LAMA2: variants seen among roughly 807,000 people sequenced by gnomAD.
LAMA2 encodes laminin subunit alpha-2.
A neutral mutation model predicts 364.8 loss-of-function variants in LAMA2; 269 were observed. That is an observed-to-expected ratio of 0.74 (90% CI 0.67 to 0.82). The LOEUF is 0.82. Ranked by LOEUF, LAMA2 falls within the 40% of genes least tolerant of loss-of-function variation. LAMA2 has a pLI of 0.00. For missense variants in LAMA2, 3,807 were observed against 3,873.2 expected (o/e 0.98, Z 0.45); for synonymous variants, 1,379 against 1,370.6 (o/e 1.01, Z -0.14).
At chr6:129,444,230 G>A (rs186363732) in intron 44 of LAMA2, among the ~76,000 whole-genome samples, 2 of 152,220 alleles carry the variant, frequency 1.3e-5, no homozygotes, top group African/African-American at 4.8e-5. Flanking sequence ...GAAACATTTG[G>A]CAAAAACTTC....
At chr6:128,953,220 T>G (rs1411442431) in intron 1 of LAMA2, among the ~76,000 whole-genome samples, 1 of 152,186 alleles carries the variant, frequency 6.6e-6, no homozygotes, top group Non-Finnish European at 1.5e-5. Context: ...TTCCGAGTGA[T>G]CACTGTCCCT....
intron 1 of LAMA2, among the ~76,000 whole-genome samples, chr6:128,902,850 G>T (rs1023431806): frequency 2.6e-5 from 4 of 152,084 alleles, no homozygotes; most frequent in Admixed American, 6.6e-5. Flanking sequence ...AAAGAAAATT[G>T]ATGGTTTCTC....
At chr6:129,331,402 C>G (rs1362835009) in intron 29 of LAMA2, among the ~76,000 whole-genome samples, 1 of 152,092 alleles carries the variant, frequency 6.6e-6, no homozygotes, top group East Asian at 1.9e-4. Flanking sequence ...CATCCTTACC[C>G]TCAGTTGATG....
At chr6:129,196,035 T>C (rs1781824744) in intron 12 of LAMA2, among the ~76,000 whole-genome samples, 1 of 152,206 alleles carries the variant, frequency 6.6e-6, no homozygotes, top group Non-Finnish European at 1.5e-5. Flanking sequence ...AGGTTTGAAA[T>C]TCTCTCTCTG....
chr6:129,306,029 C>T (rs1238213176), intron 22 of LAMA2, among the ~76,000 whole-genome samples: 1 of 151,866 alleles, frequency 6.6e-6, no homozygotes, highest in East Asian at 1.9e-4. Context: ...ACCTCCAGTC[C>T]CCTTTCCTAT....
intron 28 of LAMA2, 108 bp from the exon 29 acceptor site, chr6:129,328,170 C>A (rs1775413931): frequency 1.1e-6 from 1 of 932,986 alleles, no homozygotes. Flanking sequence ...GTTGCCCCTG[C>A]CGCAGGTGGG....
At chr6:129,041,616 GA>G (rs1430366542) in intron 1 of LAMA2, among the ~76,000 whole-genome samples, 2 of 152,092 alleles carry the variant, frequency 1.3e-5, no homozygotes, top group Admixed American at 1.3e-4. Flanking sequence ...TATTTCTATA[GA>G]TTTTTTTGAC....
chr6:129,391,792 C>CATCTATCTATCTATCTATCT lies in LAMA2; in HGVS notation c.5234+146_5234+165dup, dbSNP rs10648375. On this transcript the variant is annotated intron_variant, in intron 36 of 64. Coordinates refer to ENST00000421865, the MANE Select transcript of LAMA2 (RefSeq NM_000426.4). The stretch of plus-strand genomic sequence containing the variant: ...TGGAGATATTTGCTATGTTATCTAT[C>CATCTATCTATCTATCTATCT]ATCTATCTATCTATCTATCTATCTA... The CATCTATCTATCTATCTATCT allele has an allele frequency of 2.0e-4, 139 of 681,638 alleles. No individual in the cohort carries two copies. The African/African-American group carries it at 2.3e-3, about 11-fold the overall frequency. The allele number at this position is 681,638 out of a possible 1,614,324, so 42.2% of individuals were successfully genotyped here.
intron 22 of LAMA2, among the ~76,000 whole-genome samples, chr6:129,310,197 C>T (rs1024605155): frequency 6.6e-6 from 1 of 152,204 alleles, no homozygotes; most frequent in Admixed American, 6.5e-5. Context: ...CCGCGCCCGG[C>T]CGATAATCAT....
chr6:129,177,272 A>G (rs1780652698), intron 9 of LAMA2, among the ~76,000 whole-genome samples: 1 of 152,112 alleles, frequency 6.6e-6, no homozygotes, highest in South Asian at 2.1e-4. Flanking sequence ...ATTTTAAGTA[A>G]TATGTCTTTA....
chr6:128,981,453 C>T (rs977666289), intron 1 of LAMA2, among the ~76,000 whole-genome samples: 1 of 151,970 alleles, frequency 6.6e-6, no homozygotes, highest in East Asian at 1.9e-4. Flanking sequence ...ATTAAAAATG[C>T]CTTCCAGGGC....
intron 18 of LAMA2, among the ~76,000 whole-genome samples, chr6:129,281,453 A>G (rs1345841582): frequency 1.3e-5 from 2 of 152,132 alleles, no homozygotes; most frequent in African/African-American, 4.8e-5. Flanking sequence ...TATGTACTAT[A>G]CTCCCTATAC....
At chr6:129,442,196 G>GA in intron 43 of LAMA2, 1 of 1,320,522 alleles carries the variant, frequency 7.6e-7, no homozygotes, top group African/African-American at 1.5e-5. Context: ...GTGGGGAATG[G>GA]AGCCTGATTT....
At chr6:129,347,196 A>G (rs1287301973) in intron 30 of LAMA2, among the ~76,000 whole-genome samples, 2 of 152,132 alleles carry the variant, frequency 1.3e-5, no homozygotes, top group African/African-American at 4.8e-5. Flanking sequence ...CAGATAGGAG[A>G]TAAGTGGAGT....
intron 3 of LAMA2, among the ~76,000 whole-genome samples, chr6:129,089,066 C>T (rs1235151164): frequency 6.6e-6 from 1 of 152,256 alleles, no homozygotes; most frequent in African/African-American, 2.4e-5. Context: ...AATCTCGGCA[C>T]CTCGGGAGGC....
rs572005305 is a variant in LAMA2 at position 129,459,640 on chromosome 6, G to C, written c.6868-560G>C. 5.3e-5 allele frequency among the ~76,000 whole-genome samples: 8 copies of C among 152,114 alleles called. No individual in the cohort carries two copies. The South Asian group carries it at 1.0e-3, about 20-fold the overall frequency. On this transcript the variant is annotated intron_variant, in intron 48 of 64. Transcript: ENST00000421865. ...AAAAATTTACAGCAGCACTACCATA[G>C]AGTGATTTATACAAGTGCTTTTAAA...
At chr6:129,478,896 C>CTTTTGT in intron 54 of LAMA2, 83 bp downstream of exon 54, 1 of 1,238,844 alleles carries the variant, frequency 8.1e-7, no homozygotes, top group Admixed American at 1.7e-5. Context: ...AAGGATCAGT[C>CTTTTGT]TTTTGTTAAT....
At chr6:128,967,322 C>G (rs950110977) in intron 1 of LAMA2, among the ~76,000 whole-genome samples, 9 of 152,008 alleles carry the variant, frequency 5.9e-5, no homozygotes, top group Non-Finnish European at 5.9e-5. Flanking sequence ...GAAAAGAAAA[C>G]AAAGAAATGT....
intron 35 of LAMA2, among the ~76,000 whole-genome samples, chr6:129,388,050 G>A (rs959627227): frequency 6.6e-6 from 1 of 152,170 alleles, no homozygotes; most frequent in Non-Finnish European, 1.5e-5. Flanking sequence ...CTGAGGTCAG[G>A]CGTTCAAGAC....
Sources: allele counts gnomAD v4.1 joint callset (sites outside exome capture counted in the v4.1 genomes callset), GRCh38; gene constraint gnomAD v4.1.1; transcripts MANE v1.5; gene names NCBI Gene and HGNC (gene_info 2026-07-23, HGNC 2026-07-21).